Variants in COX7A2L observed in about 807,000 individuals in gnomAD.
The protein encoded by COX7A2L is cytochrome c oxidase subunit 7A2-like, mitochondrial.
COX7A2L carries 18 observed loss-of-function variants against 14.2 expected under a neutral mutation model. The observed-to-expected ratio is 1.27, with a 90% CI of 0.88 to 1.88. The LOEUF (loss-of-function observed/expected upper bound fraction) is 1.88. Among genes scored for constraint, COX7A2L ranks in the 40% most tolerant of loss-of-function variants. The pLI is 0.00. For synonymous variants in COX7A2L, 65 were observed against 57.4 expected (o/e 1.13, Z -0.60); for missense variants, 179 against 138.8 (o/e 1.29, Z -1.46).
In COX7A2L at chr2:42,342,452, TG is replaced by T. The variant is rs1271866266; in HGVS notation, c.193-8584del. Among the ~76,000 whole-genome samples the T allele has an allele frequency of 6.6e-6, 1 of 152,106 alleles. No individual in the cohort carries two copies. The highest frequency in any genetic ancestry group is 1.5e-5 in the Non-Finnish European group (1 of 68,012). On this transcript the variant is annotated intron_variant, in intron 2 of 2. Coordinates refer to the COX7A2L transcript ENST00000468711. This position sits in a 1 kb window ranked among gnomAD's most constrained non-coding sequence, Gnocchi z 4.9. ...AGACTCAGCCTCTCCTTCCCTGCCT[TG>T]GAAAACCCAGGTCCCTAACTCCATC...
intron 2 of COX7A2L, among the ~76,000 whole-genome samples, chr2:42,340,614 C>A (rs1158716896): frequency 2.0e-5 from 3 of 152,102 alleles, no homozygotes; most frequent in Non-Finnish European, 1.5e-5. Flanking sequence ...TCCCCGACCC[C>A]CCAGGCGCAC....
At chr2:42,361,251 G>T (rs914573252), upstream of COX7A2L, 2 of 1,263,504 alleles carry the variant, frequency 1.6e-6, no homozygotes, top group Non-Finnish European at 2.2e-6. Flanking sequence ...CCGAGACTCA[G>T]CGCAAGGACC....
At chr2:42,348,909 T>G (rs1670554158), downstream of COX7A2L, among the ~76,000 whole-genome samples, 1 of 151,638 alleles carries the variant, frequency 6.6e-6, no homozygotes, top group Non-Finnish European at 1.5e-5. Flanking sequence ...AGAGCAAGAC[T>G]CCATCTCAAA....
At chr2:42,344,888 C>G (rs181275369), downstream of COX7A2L, among the ~76,000 whole-genome samples, 4 of 151,604 alleles carry the variant, frequency 2.6e-5, no homozygotes, top group East Asian at 5.9e-4. Context: ...AGGGAGGGAG[C>G]TGGTTCCGGT....
intron 1 of COX7A2L, among the ~76,000 whole-genome samples, chr2:42,353,671 C>G (rs1245973963): frequency 6.6e-6 from 1 of 152,140 alleles, no homozygotes; most frequent in African/African-American, 2.4e-5. Context: ...ATGAGCTAAT[C>G]TAGTAACATG....
Position 42,361,006 on chromosome 2 carries a change from C to A in COX7A2L, c.72+84G>T, listed in dbSNP as rs559061083. 1,121 of 1,463,674 alleles carry A rather than the reference C, an allele frequency of 7.7e-4. 5 individuals are homozygous for A. Among genetic ancestry groups the A allele is most frequent in the Non-Finnish European group, 5.1e-4 (541 of 1,056,574 alleles). The allele number at this position is 1,463,674 out of a possible 1,614,324, so 90.7% of individuals were successfully genotyped here. ...GAACTCGACCGCGGGCAGAAGCCTC[C>A]CCTGGCTCCAACGCCGCGACTGCCT... On this transcript the variant is annotated intron_variant, in intron 1 of 2. Transcript: ENST00000234301.
At chr2:42,340,872 C>T (rs571373861) in intron 2 of COX7A2L, among the ~76,000 whole-genome samples, 1 of 152,294 alleles carries the variant, frequency 6.6e-6, no homozygotes, top group African/African-American at 2.4e-5. Context: ...CAGCACACTG[C>T]AGAAGGAATG....
chr2:42,355,717 C>CTTTTTTTTTTTTTTT lies in COX7A2L; in HGVS notation c.73-2389_73-2375dup, dbSNP rs386390054. The stretch of plus-strand genomic sequence containing the variant: ...CAGTCACAGTGTAAAATCCTACGTT[C>CTTTTTTTTTTTTTTT]TTTTTTTTTTTTTTTTTTTTTTTTT... On this transcript the variant is annotated intron_variant, in intron 1 of 2. Transcript: ENST00000234301. Among the ~76,000 whole-genome samples the CTTTTTTTTTTTTTTT allele has an allele frequency of 2.6e-4, 18 of 69,052 alleles. 3 individuals are homozygous for CTTTTTTTTTTTTTTT. The highest frequency in any genetic ancestry group is 1.0e-3 in the African/African-American group (17 of 16,904). The allele number at this position is 69,052 out of a possible 152,430, so 45.3% of individuals were successfully genotyped here.
downstream of COX7A2L, among the ~76,000 whole-genome samples, chr2:42,344,591 G>A (rs1249953548): frequency 2.0e-5 from 3 of 152,272 alleles, no homozygotes; most frequent in South Asian, 2.1e-4. Context: ...GGTGGCTCAC[G>A]CCTGTAGTCC....
At chr2:42,366,438 A>T (rs1558639305) in intron 1 of COX7A2L, among the ~76,000 whole-genome samples, 9 of 152,186 alleles carry the variant, frequency 5.9e-5, no homozygotes, top group Admixed American at 2.6e-4. Context: ...AAACAAAAAC[A>T]TAGGGTGCTC....
Position 42,350,308 on chromosome 2 carries a change from G to C in COX7A2L, c.*911C>G, listed in dbSNP as rs1228837159. ...TACAGGTACCTTTCACTAAGGGGCA[G>C]GCAGGTTTTTATAAAAAACCATGTG... On this transcript the variant is annotated 3_prime_UTR_variant, in exon 3 of 3. Coordinates refer to ENST00000234301, the MANE Select transcript of COX7A2L (RefSeq NM_004718.4). 6.6e-6 allele frequency: 1 copy of C among 152,124 alleles called. No homozygotes were observed. The highest frequency in any genetic ancestry group is 2.4e-5 in the African/African-American group (1 of 41,420). 9.4% of individuals were successfully genotyped at this position (152,124 alleles called of 1,614,324 possible).
intron 1 of COX7A2L, among the ~76,000 whole-genome samples, chr2:42,367,814 A>G (rs1671195122): frequency 6.6e-6 from 1 of 152,232 alleles, no homozygotes; most frequent in Admixed American, 6.5e-5. Context: ...GGGAGAGCCC[A>G]ATGCAGACAG....
chr2:42,348,439 T>A (rs1243061225), downstream of COX7A2L, among the ~76,000 whole-genome samples: 1 of 152,154 alleles, frequency 6.6e-6, no homozygotes, highest in Non-Finnish European at 1.5e-5. Flanking sequence ...CCACCTGACA[T>A]AACGAGGACA....
At chr2:42,348,782 G>C (rs545293496), downstream of COX7A2L, among the ~76,000 whole-genome samples, 1 of 152,222 alleles carries the variant, frequency 6.6e-6, no homozygotes, top group South Asian at 2.1e-4. Context: ...GCTGGGCATG[G>C]TGGTGTGCAC....
upstream of COX7A2L, among the ~76,000 whole-genome samples, chr2:42,366,109 A>G (rs1189168639): frequency 6.6e-6 from 1 of 152,176 alleles, no homozygotes; most frequent in Non-Finnish European, 1.5e-5. Context: ...TGTCTATAGA[A>G]AAGCTACCTG....
At chr2:42,344,755 G>A (rs1670462898), downstream of COX7A2L, among the ~76,000 whole-genome samples, 1 of 151,992 alleles carries the variant, frequency 6.6e-6, no homozygotes, top group Admixed American at 6.6e-5. Flanking sequence ...GGAGCCTGAG[G>A]CAGGAGAATG....
At chr2:42,364,435 T>C (rs751802239), upstream of COX7A2L, among the ~76,000 whole-genome samples, 1 of 152,106 alleles carries the variant, frequency 6.6e-6, no homozygotes. Context: ...ACCTTTTCCA[T>C]TGTTGTTTAT....
intron 2 of COX7A2L, among the ~76,000 whole-genome samples, chr2:42,344,032 A>C (rs1486206693): frequency 6.6e-6 from 1 of 152,244 alleles, no homozygotes; most frequent in Non-Finnish European, 1.5e-5. Flanking sequence ...GCACTGCTTT[A>C]CAAGGACAAG....
At position 42,349,426 on chromosome 2, in the gene COX7A2L, C is replaced by T. The variant is rs1670571637; in HGVS notation, c.*1793G>A. ...GAGACTGAAAGTAGATGAGTGCTTG[C>T]TTTGGGCTAGGAGGTGGGAGTTGGG... On this transcript the variant is annotated 3_prime_UTR_variant, in exon 3 of 3. Coordinates refer to ENST00000234301, the MANE Select transcript of COX7A2L (RefSeq NM_004718.4). The T allele has an allele frequency of 6.6e-6, 1 of 152,090 alleles. No homozygotes were observed. Among genetic ancestry groups the T allele is most frequent in the Non-Finnish European group, 1.5e-5 (1 of 68,020 alleles). The allele number at this position is 152,090 out of a possible 1,614,324, so 9.4% of individuals were successfully genotyped here.
Sources: gnomAD v4.1 joint callset for allele counts (sites outside exome capture counted in the v4.1 genomes callset) on GRCh38, gnomAD v4.1.1 for gene constraint, Gnocchi (gnomAD v3.1) non-coding constraint, MANE v1.5 for transcripts, NCBI Gene and HGNC (gene_info 2026-07-23, HGNC 2026-07-21) for gene names.